The following IL1RAPL2 variants were observed in gnomAD, a reference collection of about 807,000 sequenced individuals.
IL1RAPL2 encodes the protein interleukin 1 receptor accessory protein like 2.
Under a neutral mutation model 44.1 loss-of-function variants are expected in IL1RAPL2, and 3 were observed. The observed-to-expected ratio is 0.07, with a 90% CI of 0.03 to 0.18. The LOEUF (loss-of-function observed/expected upper bound fraction) is 0.18, where lower values mean the gene tolerates loss of function less well. Ranked by LOEUF, IL1RAPL2 falls within the 10% of genes least tolerant of loss-of-function variation. The probability of loss-of-function intolerance (pLI) is 1.00; values close to 1 mark genes in which losing one functional copy is unlikely to be tolerated. For missense variants in IL1RAPL2, 391 were observed against 496.4 expected (o/e 0.79, Z 2.02); for synonymous variants, 181 against 178.8 (o/e 1.01, Z -0.10).
At chrX:104,827,773 A>G (rs1921495559) in intron 2 of IL1RAPL2, among the ~76,000 whole-genome samples, 1 of 111,872 alleles carries the variant, frequency 8.9e-6, no homozygotes, top group South Asian at 3.7e-4. Flanking sequence ...AATCAAACGT[A>G]GGTTTGGTCT....
intron 2 of IL1RAPL2, among the ~76,000 whole-genome samples, chrX:104,885,194 C>T (rs1304681376): frequency 9.0e-6 from 1 of 111,512 alleles, no homozygotes; most frequent in East Asian, 2.8e-4. Flanking sequence ...TTGGAGATAC[C>T]TGGTATCTTA....
intron 6 of IL1RAPL2, among the ~76,000 whole-genome samples, chrX:105,688,497 A>T (rs1054425916): frequency 3.6e-5 from 4 of 111,472 alleles, no homozygotes; most frequent in Non-Finnish European, 7.5e-5. Context: ...ATAAAATACC[A>T]AGGAATCCAA....
chrX:105,179,022 G>T (rs2033503181), intron 2 of IL1RAPL2, among the ~76,000 whole-genome samples: 1 of 111,568 alleles, frequency 9.0e-6, no homozygotes, highest in Admixed American at 9.6e-5. Flanking sequence ...GTCTACTTTT[G>T]TTCTTACTGT....
intron 2 of IL1RAPL2, among the ~76,000 whole-genome samples, chrX:104,831,979 A>C (rs1033002157): frequency 9.0e-6 from 1 of 111,706 alleles, no homozygotes; most frequent in African/African-American, 3.2e-5. Context: ...TTAGATATGC[A>C]GTTGAAACAA....
intron 6 of IL1RAPL2, among the ~76,000 whole-genome samples, chrX:105,648,886 G>T (rs1039122410): frequency 1.6e-4 from 18 of 111,363 alleles, no homozygotes; most frequent in African/African-American, 5.9e-4. Context: ...TCAATCCCAA[G>T]TGTCAGTGTG....
In IL1RAPL2 at chrX:104,609,480, G is replaced by A. The variant is rs1341682934; in HGVS notation, c.-20+42429G>A. Among the ~76,000 whole-genome samples the A allele has an allele frequency of 2.7e-5, 3 of 111,880 alleles. No homozygotes were observed. The Admixed American group carries it at 2.8e-4, about 11-fold the overall frequency. On this transcript the variant is annotated intron_variant, in intron 1 of 10. Coordinates refer to ENST00000372582, the MANE Select transcript of IL1RAPL2 (RefSeq NM_017416.2). The stretch of plus-strand genomic sequence containing the variant: ...GTTCCATTCTCCTCATCACTTCCAG[G>A]TACACCAATCAAATGTAGATTTGGT...
chrX:105,078,684 G>A (rs781487556), intron 2 of IL1RAPL2, among the ~76,000 whole-genome samples: 1 of 110,499 alleles, frequency 9.0e-6, no homozygotes, highest in South Asian at 3.9e-4. Context: ...GCTCCACCCA[G>A]TTCGAGCTTC....
intron 7 of IL1RAPL2, among the ~76,000 whole-genome samples, chrX:105,736,593 A>G (rs2038451459): frequency 8.9e-6 from 1 of 111,796 alleles, no homozygotes; most frequent in Admixed American, 9.5e-5. Flanking sequence ...GAAGACATAC[A>G]TGCAGCCAAA....
At chrX:105,434,868 C>T (rs1569440470) in intron 5 of IL1RAPL2, among the ~76,000 whole-genome samples, 1 of 111,528 alleles carries the variant, frequency 9.0e-6, no homozygotes. Context: ...GCCTTTAATC[C>T]ATCTTGAGTT....
chrX:104,790,307 T>A (rs1932818820), intron 2 of IL1RAPL2, among the ~76,000 whole-genome samples: 1 of 111,368 alleles, frequency 9.0e-6, no homozygotes, highest in African/African-American at 3.3e-5. Context: ...TTCATCTGCA[T>A]GGCTGTTTTT....
chrX:105,310,139 A>AT (rs2034785760), intron 5 of IL1RAPL2, among the ~76,000 whole-genome samples: 1 of 110,793 alleles, frequency 9.0e-6, no homozygotes, highest in Non-Finnish European at 1.9e-5. Flanking sequence ...GAGGAATTGA[A>AT]TTTTTTTTAT....
intron 8 of IL1RAPL2, among the ~76,000 whole-genome samples, chrX:105,747,508 GTGTGTGTGTATA>G (rs1489717232): frequency 2.0e-4 from 12 of 60,502 alleles, no homozygotes; most frequent in Non-Finnish European, 3.6e-4. Context: ...GTGTGTGTGT[GTGTGTGTGTATA>G]TATATATATA....
chrX:105,693,173 T>G (rs1374056157), intron 6 of IL1RAPL2, among the ~76,000 whole-genome samples: 4 of 111,779 alleles, frequency 3.6e-5, no homozygotes, highest in African/African-American at 1.3e-4. Context: ...CCCCAGAATT[T>G]GGGAATATAT....
intron 1 of IL1RAPL2, among the ~76,000 whole-genome samples, chrX:104,628,933 G>T (rs1258557526): frequency 8.9e-6 from 1 of 111,973 alleles, no homozygotes; most frequent in Non-Finnish European, 1.9e-5. Flanking sequence ...TTCATGGGTG[G>T]TGGTGGTACA....
At chrX:105,160,664 G>A (rs1386660935) in intron 2 of IL1RAPL2, among the ~76,000 whole-genome samples, 3 of 111,405 alleles carry the variant, frequency 2.7e-5, no homozygotes, top group Non-Finnish European at 5.6e-5. Context: ...ATCTAAGAGA[G>A]AATGTAGGGG....
chrX:105,411,577 A>G (rs1304275553), intron 5 of IL1RAPL2, among the ~76,000 whole-genome samples: 3 of 111,688 alleles, frequency 2.7e-5, no homozygotes, highest in Non-Finnish European at 5.7e-5. Context: ...CCAAAAGATT[A>G]TTGTATAATG....
intron 2 of IL1RAPL2, among the ~76,000 whole-genome samples, chrX:104,727,821 A>G (rs1288896148): frequency 9.1e-6 from 1 of 109,390 alleles, no homozygotes; most frequent in East Asian, 2.8e-4. Context: ...AGCAACATGG[A>G]TGGAACAGGA....
At chrX:104,847,291 T>C (rs1418751680) in intron 2 of IL1RAPL2, among the ~76,000 whole-genome samples, 1 of 112,031 alleles carries the variant, frequency 8.9e-6, no homozygotes, top group African/African-American at 3.3e-5. Context: ...TGAATGGTAA[T>C]GCCTAGGTTT....
chrX:105,166,157 C>T lies in IL1RAPL2; in HGVS notation c.83-29318C>T, dbSNP rs151022306. 3.1e-3 allele frequency among the ~76,000 whole-genome samples: 349 copies of T among 111,076 alleles called. 2 individuals are homozygous for T. The highest frequency in any genetic ancestry group is 0.011 in the African/African-American group (338 of 30,575). On this transcript the variant is annotated intron_variant, in intron 2 of 10. Transcript: ENST00000372582. ...AAAGTCCTTAGAATAGTACCTGGCG[C>T]ATGGTAAGCCCATTGTATTATCTAT...
Sources: allele counts gnomAD v4.1 joint callset (sites outside exome capture counted in the v4.1 genomes callset), GRCh38; gene constraint gnomAD v4.1.1; transcripts MANE v1.5; gene names NCBI Gene and HGNC (gene_info 2026-07-23, HGNC 2026-07-21).